PTPN13: variants seen among roughly 807,000 people sequenced by gnomAD.
PTPN13 encodes the protein tyrosine-protein phosphatase non-receptor type 13.
A neutral mutation model predicts 284.0 loss-of-function variants in PTPN13; 191 were observed. That is an observed-to-expected ratio of 0.67 (90% CI 0.60 to 0.76). The LOEUF (loss-of-function observed/expected upper bound fraction) is 0.76, where lower values mean the gene tolerates loss of function less well. Ranked by LOEUF, PTPN13 falls within the 30% of genes least tolerant of loss-of-function variation. The pLI, the probability that PTPN13 is intolerant of heterozygous loss-of-function variation, is 0.00. For synonymous variants in PTPN13, 986 were observed against 1,022.3 expected (o/e 0.96, Z 0.68); for missense variants, 2,797 against 2,939.9 (o/e 0.95, Z 1.12).
Position 86,745,151 on chromosome 4 carries a change from A to G in PTPN13, c.2650+23A>G. 3 of 1,590,088 alleles carry G rather than the reference A, an allele frequency of 1.9e-6. No individual in the cohort carries two copies. In the African/African-American group the frequency reaches 4.1e-5, roughly 22 times the overall value. ...TTGGTAAGGAGAAGCAGACTATTTC[A>G]GATGACTCCTGGGAATATGAATAAT... On this transcript the variant is annotated intron_variant, in intron 17 of 47. Transcript: ENST00000411767.
chr4:86,675,230 A>G (rs906544104), intron 3 of PTPN13, among the ~76,000 whole-genome samples: 1 of 152,174 alleles, frequency 6.6e-6, no homozygotes, highest in Non-Finnish European at 1.5e-5. Context: ...TGCCATTATC[A>G]TGTTAAAGTT....
At chr4:86,765,348 C>T in intron 25 of PTPN13, 47 bp from the exon 26 acceptor site, 1 of 1,481,972 alleles carries the variant, frequency 6.7e-7, no homozygotes, top group Non-Finnish European at 9.2e-7. Context: ...AAAGAGAGTG[C>T]AAAATTTTTC....
At chr4:86,703,438 A>G (rs556595127) in intron 7 of PTPN13, among the ~76,000 whole-genome samples, 1,752 of 131,036 alleles carry the variant, frequency 0.013, 10 homozygotes, top group Non-Finnish European at 0.016. Flanking sequence ...GTCCATTGTG[A>G]AAAAAAAAAA....
At position 86,732,464 on chromosome 4, in the gene PTPN13, G is replaced by T. The variant is rs184221078; in HGVS notation, c.1673G>T (p.Arg558Leu). 6.2e-7 allele frequency: 1 copy of T among 1,600,642 alleles called. No homozygotes were observed. The stretch of plus-strand genomic sequence containing the variant: ...CCATTTATATCTTTGGATTTGCCAC[G>T]GTCTATTCTTGTAAGTAATAAAACC... ...IEPFISLDLPRSILTKKGKNE... is the reference protein window; with the variant it reads ...IEPFISLDLPLSILTKKGKNE... Residue 558 changes from arginine to leucine, a missense_variant, in exon 11 of 48, where the codon CGG becomes CTG. Arg to Leu is a moderately radical substitution (Grantham distance 102). Coordinates refer to ENST00000411767, the MANE Select transcript of PTPN13 (RefSeq NM_080683.3).
rs555446302 is a variant in PTPN13, at chr4:86,618,187, G to C, written c.-5-17065G>C. Among the ~76,000 whole-genome samples, 437 of 151,974 alleles carry C rather than the reference G, an allele frequency of 2.9e-3. 2 individuals are homozygous for C. The highest frequency in any genetic ancestry group is 4.2e-3 in the Non-Finnish European group (283 of 67,924). ...AGCACCATTTATTAAATAGGGAATCGTTTCCCCATTTCTTGTTTTTGTCAG... is the reference window on the plus strand; with the variant it reads ...AGCACCATTTATTAAATAGGGAATCCTTTCCCCATTTCTTGTTTTTGTCAG... On this transcript the variant is annotated intron_variant, in intron 1 of 47. Transcript: ENST00000411767.
intron 20 of PTPN13, among the ~76,000 whole-genome samples, chr4:86,755,264 C>T (rs1407289464): frequency 3.3e-5 from 5 of 151,722 alleles, no homozygotes; most frequent in Admixed American, 1.3e-4. Flanking sequence ...ATAAAAAAGT[C>T]ATGATTCTTC....
chr4:86,723,933 A>G (rs1026076996), intron 10 of PTPN13, among the ~76,000 whole-genome samples: 8 of 152,214 alleles, frequency 5.3e-5, no homozygotes, highest in African/African-American at 1.9e-4. Flanking sequence ...GAATTATCTT[A>G]AAAGCACATT....
intron 1 of PTPN13, among the ~76,000 whole-genome samples, chr4:86,616,332 G>A (rs1318392769): frequency 6.6e-6 from 1 of 152,166 alleles, no homozygotes; most frequent in East Asian, 1.9e-4. Context: ...TTAGATTGAG[G>A]TGGTCAAGGA....
intron 1 of PTPN13, among the ~76,000 whole-genome samples, chr4:86,633,416 C>T (rs1722676858): frequency 6.6e-6 from 1 of 152,102 alleles, no homozygotes; most frequent in African/African-American, 2.4e-5. Context: ...GATGTGCCCT[C>T]CACTAACTCC....
chr4:86,716,995 G>A (rs754057725), intron 8 of PTPN13, 29 bp from the exon 9 acceptor site: 2 of 1,454,426 alleles, frequency 1.4e-6, no homozygotes, highest in South Asian at 1.2e-5. Context: ...TATCACCTGT[G>A]CCATTATTTC....
intron 19 of PTPN13, 30 bp downstream of exon 19, chr4:86,751,154 C>A: frequency 1.4e-6 from 2 of 1,430,696 alleles, no homozygotes; most frequent in South Asian, 1.2e-5. Context: ...CCTTCTTTGT[C>A]CCATACCTCA....
intron 2 of PTPN13, among the ~76,000 whole-genome samples, chr4:86,662,489 G>A (rs950517409): frequency 1.4e-4 from 22 of 151,950 alleles, no homozygotes; most frequent in Admixed American, 2.0e-4. Flanking sequence ...GCACCACCAC[G>A]CCCAGCTAAT....
Position 86,764,619 on chromosome 4 carries a change from C to T in PTPN13, c.4044C>T (p.Ser1348=), listed in dbSNP as rs772682073. 1 of 1,545,674 alleles carries T rather than the reference C, an allele frequency of 6.5e-7. No homozygotes were observed. Among genetic ancestry groups the T allele is most frequent in the East Asian group, 2.4e-5 (1 of 42,058 alleles). ...AATCTTCCTCTTCAGTGAATACATC[C>T]AACAAGATGAATTTTAAAACTTTTT... ...KQESSSSVNT[S]NKMNFKTFSS... is the part of the protein sequence containing the mutation. Residue 1348 remains serine, a synonymous_variant, in exon 25 of 48, where the codon TCC becomes TCT. Coordinates refer to ENST00000411767, the MANE Select transcript of PTPN13 (RefSeq NM_080683.3).
chr4:86,677,437 C>G (rs1264236121), intron 3 of PTPN13, among the ~76,000 whole-genome samples: 3 of 151,188 alleles, frequency 2.0e-5, no homozygotes, highest in Non-Finnish European at 4.4e-5. Context: ...GCCTCAGCCT[C>G]CCAAGTAGCT....
At chr4:86,646,710 GTTAC>G (rs1377235917) in intron 2 of PTPN13, among the ~76,000 whole-genome samples, 1 of 152,202 alleles carries the variant, frequency 6.6e-6, no homozygotes, top group African/African-American at 2.4e-5. Flanking sequence ...TACACTCCTA[GTTAC>G]TTACTTAAAA....
chr4:86,639,052 C>T (rs765061288), intron 2 of PTPN13, among the ~76,000 whole-genome samples: 5,930 of 151,872 alleles, frequency 0.039, 351 homozygotes, highest in African/African-American at 0.13. Flanking sequence ...AAGACATTTA[C>T]GCAGCCAAAA....
rs772685398 is a variant in PTPN13, at chr4:86,803,801, G to A, written c.6598G>A (p.Val2200Ile). 3 of 1,613,926 alleles carry A rather than the reference G, an allele frequency of 1.9e-6. No individual in the cohort carries two copies. Among genetic ancestry groups the A allele is most frequent in the Non-Finnish European group, 2.5e-6 (3 of 1,179,854 alleles). Residue 2200 changes from valine (V) to isoleucine (I), a missense_variant, in exon 43 of 48, where the codon GTC (valine) becomes ATC (isoleucine). Val to Ile is a conservative substitution (Grantham distance 29). Coordinates refer to ENST00000411767, the MANE Select transcript of PTPN13 (RefSeq NM_080683.3). Reference protein sequence around the residue: ...GKYTGANLKSVIRVLRGLLDQ... With the variant: ...GKYTGANLKSIIRVLRGLLDQ... ...ATACACGGGTGCCAACTTAAAATCA[G>A]TCATTCGAGTCCTGCGGGGTTTGCT...
At chr4:86,785,401 A>G in intron 39 of PTPN13, 33 bp downstream of exon 39, 3 of 1,551,734 alleles carry the variant, frequency 1.9e-6, no homozygotes, top group Non-Finnish European at 2.6e-6. Flanking sequence ...TTGGTATACT[A>G]TGGAGTACAA....
intron 7 of PTPN13, among the ~76,000 whole-genome samples, chr4:86,702,818 C>T (rs1358165211): frequency 1.3e-5 from 2 of 152,044 alleles, no homozygotes; most frequent in Non-Finnish European, 2.9e-5. Context: ...TAGACAAATC[C>T]TAGGACATAG....
Sources: gnomAD v4.1 joint callset for allele counts (sites outside exome capture counted in the v4.1 genomes callset) on GRCh38, gnomAD v4.1.1 for gene constraint, MANE v1.5 for transcripts, NCBI Gene and HGNC (gene_info 2026-07-23, HGNC 2026-07-21) for gene names.